TSPOAP1: variants seen among roughly 807,000 people sequenced by gnomAD.
TSPOAP1 encodes the protein TSPO associated protein 1.
A neutral mutation model predicts 197.0 loss-of-function variants in TSPOAP1; 87 were observed. The observed-to-expected ratio is 0.44, with a 90% confidence interval of 0.37 to 0.53. The LOEUF (loss-of-function observed/expected upper bound fraction) is 0.53, where lower values mean the gene tolerates loss of function less well. Among genes scored for constraint, TSPOAP1 ranks in the 20% least tolerant of loss-of-function variants. TSPOAP1 has a pLI of 0.00. For missense variants in TSPOAP1, 2,174 were observed against 2,411.3 expected (o/e 0.90, Z 2.06); for synonymous variants, 913 against 998.9 (o/e 0.91, Z 1.62).
intron 31 of TSPOAP1, 73 bp from the exon 32 acceptor site, chr17:58,302,520 G>C: frequency 9.3e-7 from 1 of 1,075,118 alleles, no homozygotes; most frequent in African/African-American, 1.7e-5. Context: ...TTTTTCCACA[G>C]CCTAAGGGGC....
rs1971433376 is a variant in TSPOAP1 at position 58,322,565 on chromosome 17, C to T, written c.1317+89G>A. 9 of 1,577,886 alleles carry T rather than the reference C, an allele frequency of 5.7e-6. No individual in the cohort carries two copies. In the South Asian group the frequency reaches 1.0e-4, roughly 18 times the overall value. On this transcript the variant is annotated intron_variant, in intron 9 of 31. Coordinates refer to ENST00000343736, the MANE Select transcript of TSPOAP1 (RefSeq NM_004758.4). The surrounding 1 kb of genome is among the most constrained non-coding windows in gnomAD (Gnocchi z 5.0). ...GCAGCTCCAGGCCCAGGCCTCAGAGCTAGTGCCCCTCACTAAGAATATTCT... is the reference window on the plus strand; with the variant it reads ...GCAGCTCCAGGCCCAGGCCTCAGAGTTAGTGCCCCTCACTAAGAATATTCT...
chr17:58,304,373 G>A lies in TSPOAP1; in HGVS notation c.5571C>T (p.Cys1857=). Residue 1857 remains cysteine (C), a synonymous_variant, in exon 31 of 32, where the codon TGC becomes TGT. Transcript: ENST00000343736. The surrounding 1 kb of genome is among the most constrained non-coding windows in gnomAD (Gnocchi z 4.2). ...CTCTACATATATCTATCTCCATCTA[G>A]CACTGGACTCTTCTCCTCCTCGTTC... ...SQRTRRRRVQ[C] is the part of the protein sequence containing the mutation. 2 of 1,613,912 alleles carry A rather than the reference G, an allele frequency of 1.2e-6. No individual in the cohort carries two copies. Among genetic ancestry groups the A allele is most frequent in the South Asian group, 2.2e-5 (2 of 91,086 alleles).
chr17:58,310,465 C>T (rs1971045023), intron 20 of TSPOAP1, 47 bp downstream of exon 20: 11 of 1,598,162 alleles, frequency 6.9e-6, no homozygotes, highest in South Asian at 2.2e-5. Flanking sequence ...GGTAGGGAGA[C>T]AGGCCTCAAT....
chr17:58,320,027 G>C, intron 12 of TSPOAP1, 82 bp downstream of exon 12: 3 of 1,558,894 alleles, frequency 1.9e-6, no homozygotes, highest in Non-Finnish European at 2.7e-6. Flanking sequence ...GGATGAGAGA[G>C]GGGGACTGCC....
rs372037506 is a variant in TSPOAP1 at position 58,322,428 on chromosome 17, T to G, written c.1318-16A>C. 1 of 1,604,772 alleles carries G rather than the reference T, an allele frequency of 6.2e-7. No homozygotes were observed. The highest frequency in any genetic ancestry group is 2.2e-5 in the East Asian group (1 of 44,886). On this transcript the variant is annotated splice_polypyrimidine_tract_variant and intron_variant, in intron 9 of 31. Transcript: ENST00000343736. This position sits in a 1 kb window ranked among gnomAD's most constrained non-coding sequence, Gnocchi z 5.0. ...CCCGCATGTGCTGAAACACAAGATC[T>G]GAGTCAAGGCCAGAGCCCCTACTTG...
intron 16 of TSPOAP1, among the ~76,000 whole-genome samples, chr17:58,315,790 C>T (rs1481494030): frequency 6.6e-6 from 1 of 152,112 alleles, no homozygotes; most frequent in South Asian, 2.1e-4. Flanking sequence ...CTGCTTGGAG[C>T]CAGACTCCCT....
At position 58,326,618 on chromosome 17, in the gene TSPOAP1, G is replaced by GGAGGGCACTGAGGCA; in HGVS notation, c.441+50_441+64dup. The GGAGGGCACTGAGGCA allele has an allele frequency of 6.4e-7, 1 of 1,568,766 alleles. No homozygotes were observed. The highest frequency in any genetic ancestry group is 8.8e-7 in the Non-Finnish European group (1 of 1,140,898). On this transcript the variant is annotated intron_variant, in intron 2 of 31. Transcript: ENST00000343736. This position sits in a 1 kb window ranked among gnomAD's most constrained non-coding sequence, Gnocchi z 4.7. ...ACTTGGAAAGATGTTCATGGGGTGA[G>GGAGGGCACTGAGGCA]GAGGGCACTGAGGCAGAGGGCCTGG...
Position 58,323,514 on chromosome 17 carries a change from G to A in TSPOAP1, c.974C>T (p.Pro325Leu), listed in dbSNP as rs772997291. The change falls in exon 6 of 32, where the codon CCC becomes CTC. Residue 325 changes from proline to leucine, a missense_variant. This residue lies in a region of TSPOAP1 where 1,933 missense variants were observed against 2,139.0 expected (regional missense o/e 0.90). Transcript: ENST00000343736. ...ATPQEDADNL[P>L]VILGEPEKEQ... The stretch of plus-strand genomic sequence containing the variant: ...TTTCTCTGGCTCCCCTAGAATCACG[G>A]GTAGGTTGTCCGCATCCTCCTGGGG... The A allele has an allele frequency of 1.4e-5, 22 of 1,614,036 alleles. No individual in the cohort carries two copies. The highest frequency in any genetic ancestry group is 1.6e-5 in the Non-Finnish European group (19 of 1,179,998).
chr17:58,311,914 C>G lies in TSPOAP1; in HGVS notation c.2907G>C (p.Leu969=), dbSNP rs371464337. 6.4e-7 allele frequency: 1 copy of G among 1,560,596 alleles called. No individual in the cohort carries two copies. Among genetic ancestry groups the G allele is most frequent in the South Asian group, 1.2e-5 (1 of 81,634 alleles). Residue 969 remains leucine, a synonymous_variant, in exon 17 of 32, where the codon CTG becomes CTC. Transcript: ENST00000343736. ...WERLEQRAAT[L]QFTTLPAGPP... ...TACCTGCTGGGAGTGTGGTGAACTG[C>G]AGGGTGGCAGCCCGCTGCTCCAGCC...
chr17:58,318,811 G>A (rs1037019157), intron 13 of TSPOAP1, among the ~76,000 whole-genome samples: 8 of 152,154 alleles, frequency 5.3e-5, no homozygotes, highest in African/African-American at 1.9e-4. Context: ...AGGCCACACT[G>A]CCTGCTACTG....
At chr17:58,313,839 A>G (rs935387915) in intron 16 of TSPOAP1, among the ~76,000 whole-genome samples, 4 of 152,208 alleles carry the variant, frequency 2.6e-5, no homozygotes, top group Non-Finnish European at 4.4e-5. Flanking sequence ...GCCTGTGTCT[A>G]GCAGCATGAT....
At position 58,305,438 on chromosome 17, in the gene TSPOAP1, T is replaced by C; in HGVS notation, c.5382A>G (p.Ala1794=). 1 of 1,613,980 alleles carries C rather than the reference T, an allele frequency of 6.2e-7. No individual in the cohort carries two copies. Among genetic ancestry groups the C allele is most frequent in the South Asian group, 1.1e-5 (1 of 91,088 alleles). ...CCCCAAACACAGTAATGACATCCCC[T>C]GCCCGGAAGGGCAGCTCTGCCTGTG... ...MDVEAELPFR[A]GDVITVFGGM... is the part of the protein sequence containing the mutation. The change falls in exon 29 of 32, where the codon GCA becomes GCG. Residue 1794 remains alanine, a synonymous_variant. Coordinates refer to ENST00000343736, the MANE Select transcript of TSPOAP1 (RefSeq NM_004758.4).
Position 58,327,921 on chromosome 17 carries a change from G to T in TSPOAP1, c.-1C>A, listed in dbSNP as rs1404094423. 1 of 1,590,450 alleles carries T rather than the reference G, an allele frequency of 6.3e-7. No homozygotes were observed. Among genetic ancestry groups the T allele is most frequent in the Non-Finnish European group, 8.6e-7 (1 of 1,164,018 alleles). On this transcript the variant is annotated 5_prime_UTR_variant, in exon 1 of 32. Transcript: ENST00000343736. ...GTGGGAGGGTTGTCAGTTGCTCCAT[G>T]GTACTGCCAAGGGGCCCCAGAACCC...
intron 14 of TSPOAP1, 56 bp downstream of exon 14, chr17:58,318,224 C>T (rs1170005342): frequency 1.3e-6 from 2 of 1,598,290 alleles, no homozygotes; most frequent in Non-Finnish European, 1.7e-6. Context: ...GGGCCACCTG[C>T]CCTGCACCCT....
rs1598069508 is a variant in TSPOAP1, at chr17:58,316,248, C to G, written c.1989-116G>C. Reference sequence around the variant, plus strand: ...ACGGAGACTTGGTTGTGGTTGTCCACCACCAGCAAAGCTGAGCCCTCACTG... The same window carrying G: ...ACGGAGACTTGGTTGTGGTTGTCCAGCACCAGCAAAGCTGAGCCCTCACTG... On this transcript the variant is annotated intron_variant, in intron 15 of 31. Transcript: ENST00000343736. 4.5e-6 allele frequency: 5 copies of G among 1,122,530 alleles called. No homozygotes were observed. In the East Asian group the frequency reaches 1.2e-4, roughly 27 times the overall value. 69.5% of individuals were successfully genotyped at this position (1,122,530 alleles called of 1,614,324 possible). A position where few individuals can be genotyped will look rare whatever the true frequency, so the allele number is the denominator to read the frequency against.
At position 58,322,320 on chromosome 17, in the gene TSPOAP1, C is replaced by T. The variant is rs1971425633; in HGVS notation, c.1410G>A (p.Arg470=). 2 of 1,603,632 alleles carry T rather than the reference C, an allele frequency of 1.2e-6. No homozygotes were observed. Among genetic ancestry groups the T allele is most frequent in the East Asian group, 4.5e-5 (2 of 44,880 alleles). Residue 470 remains arginine (R), a synonymous_variant, in exon 10 of 32, where the codon CGG becomes CGA. Transcript: ENST00000343736. This position sits in a 1 kb window ranked among gnomAD's most constrained non-coding sequence, Gnocchi z 5.0. ...LSLREKQEEV[R]RLQQAQAEAQ... is the part of the protein sequence containing the mutation. ...ACTGCCGCCCCACCTGCTGCAGTCT[C>T]CGGACCTCCTCCTGCTTCTCCCGTA...
rs572523775 is a variant in TSPOAP1, at chr17:58,309,577, G to C, written c.3892-197C>G. 6.6e-6 allele frequency among the ~76,000 whole-genome samples: 1 copy of C among 152,140 alleles called. No homozygotes were observed. The highest frequency in any genetic ancestry group is 2.1e-4 in the South Asian group (1 of 4,816). ...CCAAATTCACACACATATCCAGTGAGAGCCAAAGGAAGAATTAGGGAACAC... is the reference window on the plus strand; with the variant it reads ...CCAAATTCACACACATATCCAGTGACAGCCAAAGGAAGAATTAGGGAACAC... On this transcript the variant is annotated intron_variant, in intron 21 of 31. Transcript: ENST00000343736. The surrounding 1 kb of genome is among the most constrained non-coding windows in gnomAD (Gnocchi z 5.0).
At position 58,301,992 on chromosome 17, in the gene TSPOAP1, G is replaced by A; in HGVS notation, c.*488C>T. On this transcript the variant is annotated 3_prime_UTR_variant, in exon 32 of 32. Coordinates refer to ENST00000343736, the MANE Select transcript of TSPOAP1 (RefSeq NM_004758.4). ...GGGTGGACCAGGACGCGAGGGTCCT[G>A]GGTCCAGTCCTGGCTCAGTGACCTT... is the stretch of plus-strand genomic sequence containing the variant. The A allele has an allele frequency of 3.6e-6, 1 of 276,736 alleles. No individual in the cohort carries two copies. Among genetic ancestry groups the A allele is most frequent in the Non-Finnish European group, 7.1e-6 (1 of 141,104 alleles). 17.1% of individuals were successfully genotyped at this position (276,736 alleles called of 1,614,324 possible).
In TSPOAP1 at chr17:58,312,434, C is replaced by A; in HGVS notation, c.2387G>T (p.Arg796Leu). 6.2e-7 allele frequency: 1 copy of A among 1,613,114 alleles called. No individual in the cohort carries two copies. The highest frequency in any genetic ancestry group is 8.5e-7 in the Non-Finnish European group (1 of 1,179,798). The stretch of plus-strand genomic sequence containing the variant: ...GGCCAGCTGCTTGAGGACCACCAGA[C>A]GGCGGGGGTAAGGCACGGCAGGAGG... ...GEPPAVPYPR[R>L]LVVLKQLAHS... The change falls in exon 17 of 32, where the codon CGT becomes CTT. Residue 796 changes from arginine (R) to leucine (L), a missense_variant. Arg to Leu is a moderately radical substitution (Grantham distance 102). Around this residue, in one of 5 missense-constraint regions of TSPOAP1, gnomAD observed 1,933 missense variants for 2,139.0 expected, o/e 0.90. Coordinates refer to ENST00000343736, the MANE Select transcript of TSPOAP1 (RefSeq NM_004758.4).
Sources: gnomAD v4.1 joint callset for allele counts (sites outside exome capture counted in the v4.1 genomes callset) on GRCh38, gnomAD v4.1.1 for gene constraint, gnomAD v4.1.1 regional missense constraint, Gnocchi (gnomAD v3.1) non-coding constraint, MANE v1.5 for transcripts, NCBI Gene and HGNC (gene_info 2026-07-23, HGNC 2026-07-21) for gene names.